The following BCAS3 variants were observed in gnomAD, a reference collection of about 807,000 sequenced individuals.
BCAS3 encodes BCAS4/BCAS3 fusion.
BCAS3 carries 53 observed loss-of-function variants against 116.1 expected under a neutral mutation model. The ratio of observed to expected loss-of-function variants is 0.46; its 90% CI spans 0.37 to 0.57. BCAS3 has a LOEUF of 0.57. BCAS3 is among the 20% of genes least tolerant of loss of function. BCAS3 has a pLI of 0.00. For synonymous variants in BCAS3, 391 were observed against 408.2 expected, an observed-to-expected ratio of 0.96 and a Z score of 0.51; for missense variants, 917 against 1,165.4, an observed-to-expected ratio of 0.79 and a Z score of 3.10.
At position 61,205,328 on chromosome 17, in the gene BCAS3, C is replaced by T. The variant is rs73993720; in HGVS notation, c.2425+120764C>T. Among the ~76,000 whole-genome samples, 24 of 152,276 alleles carry T rather than the reference C, an allele frequency of 1.6e-4. No homozygotes were observed. Among genetic ancestry groups the T allele is most frequent in the African/African-American group, 5.8e-4 (24 of 41,542 alleles). ...CATTTCAGCATATACAGCTGGACTTCCTGGTGGGCCTCCCACATTGTCAAC... is the reference window on the plus strand; with the variant it reads ...CATTTCAGCATATACAGCTGGACTTTCTGGTGGGCCTCCCACATTGTCAAC... On this transcript the variant is annotated intron_variant, in intron 22 of 23. Transcript: ENST00000407086. The surrounding 1 kb of genome is among the most constrained non-coding windows in gnomAD (Gnocchi z 5.2).
chr17:60,922,716 C>G (rs1250172229), intron 12 of BCAS3, among the ~76,000 whole-genome samples: 1 of 152,164 alleles, frequency 6.6e-6, no homozygotes, highest in African/African-American at 2.4e-5. Flanking sequence ...TGAAACAGAT[C>G]TTAATAACTT....
At chr17:61,173,074 G>A (rs1019419863) in intron 22 of BCAS3, among the ~76,000 whole-genome samples, 1 of 152,046 alleles carries the variant, frequency 6.6e-6, no homozygotes, top group Non-Finnish European at 1.5e-5. Context: ...GTAGCCTTAA[G>A]GGATTTGGAA....
At chr17:60,933,520 A>G (rs1038983006) in intron 13 of BCAS3, among the ~76,000 whole-genome samples, 1 of 152,218 alleles carries the variant, frequency 6.6e-6, no homozygotes, top group Non-Finnish European at 1.5e-5. Flanking sequence ...CAGAGTAAAT[A>G]TGTACCCCTT....
rs2082789709 is a variant in BCAS3 at position 61,233,117 on chromosome 17, C to T, written c.2426-135210C>T. Among the ~76,000 whole-genome samples, 2 of 152,148 alleles carry T rather than the reference C, an allele frequency of 1.3e-5. No homozygotes were observed. The highest frequency in any genetic ancestry group is 1.3e-4 in the Admixed American group (2 of 15,272). ...GTAGGAGGGTGATAAACTTTGTTAC[C>T]ACTTAAAAAGGGGCTAAAAATACTT... is the stretch of plus-strand genomic sequence containing the variant. On this transcript the variant is annotated intron_variant, in intron 22 of 23. Transcript: ENST00000407086. This position sits in a 1 kb window ranked among gnomAD's most constrained non-coding sequence, Gnocchi z 4.3.
At chr17:60,710,483 G>C (rs758938215) in intron 5 of BCAS3, among the ~76,000 whole-genome samples, 16 of 148,876 alleles carry the variant, frequency 1.1e-4, no homozygotes, top group Non-Finnish European at 8.9e-5. Context: ...CCAGGCTGGA[G>C]TGCAGTGGCG....
chr17:60,810,426 G>A (rs2048698175), intron 7 of BCAS3: 1 of 552,128 alleles, frequency 1.8e-6, no homozygotes, highest in Non-Finnish European at 3.4e-6. Context: ...TGCAAAGCCT[G>A]GACGATTGCC....
chr17:61,338,575 G>A (rs1007672241), intron 22 of BCAS3, among the ~76,000 whole-genome samples: 2 of 152,096 alleles, frequency 1.3e-5, no homozygotes, highest in African/African-American at 4.8e-5. Flanking sequence ...AGTAGGTTAG[G>A]GGTAGCAGAT....
intron 3 of BCAS3, 34 bp from the exon 4 acceptor site, chr17:60,689,650 AAT>A: frequency 6.7e-7 from 1 of 1,484,592 alleles, no homozygotes; most frequent in Non-Finnish European, 9.3e-7. Context: ...AAAGCTGTAA[AAT>A]ATGTTTATTC....
chr17:61,314,543 C>A (rs2054579133), intron 22 of BCAS3, among the ~76,000 whole-genome samples: 1 of 152,230 alleles, frequency 6.6e-6, no homozygotes, highest in South Asian at 2.1e-4. Context: ...CTTCCTCTTG[C>A]CACTGACTTT....
intron 7 of BCAS3, among the ~76,000 whole-genome samples, chr17:60,815,189 C>G (rs1471111702): frequency 6.6e-6 from 1 of 151,808 alleles, no homozygotes; most frequent in East Asian, 1.9e-4. Flanking sequence ...CAAACTGTTG[C>G]AAGGACAAAA....
Position 60,983,071 on chromosome 17 carries a change from G to A in BCAS3, c.1222-6900G>A, listed in dbSNP as rs1196955186. On this transcript the variant is annotated intron_variant, in intron 14 of 23. Coordinates refer to ENST00000407086, the MANE Select transcript of BCAS3 (RefSeq NM_017679.5). ...ATATGTTTGTGTCCTAAATTTGAGA[G>A]CAGGGGTTTGAATAGTGAGTGGTAC... Among the ~76,000 whole-genome samples the A allele has an allele frequency of 2.0e-5, 3 of 152,150 alleles. No homozygotes were observed. The East Asian group carries it at 5.8e-4, about 29-fold the overall frequency.
chr17:61,147,400 G>A (rs1449040000), intron 22 of BCAS3, among the ~76,000 whole-genome samples: 1 of 151,734 alleles, frequency 6.6e-6, no homozygotes, highest in Non-Finnish European at 1.5e-5. Context: ...TTTGGTTTTG[G>A]TTTTGTAGAG....
intron 5 of BCAS3, among the ~76,000 whole-genome samples, chr17:60,740,238 T>C (rs887784684): frequency 6.6e-6 from 1 of 152,110 alleles, no homozygotes; most frequent in Admixed American, 6.5e-5. Context: ...CTCACACCTG[T>C]AATCCTAGCA....
rs2060136941 is a variant in BCAS3, at chr17:61,391,685, G to A, written c.2594-292G>A. The A allele has an allele frequency of 2.4e-6, 1 of 415,972 alleles. No homozygotes were observed. The highest frequency in any genetic ancestry group is 4.4e-6 in the Non-Finnish European group (1 of 226,694). 25.8% of individuals were successfully genotyped at this position (415,972 alleles called of 1,614,324 possible). A position where few individuals can be genotyped will look rare whatever the true frequency, so the allele number is the denominator to read the frequency against. ...GTACGGGCTCATGAAGAGCTGTGTAGTCCACACACATCGTCAGGGTGGCCG... is the reference window on the plus strand; with the variant it reads ...GTACGGGCTCATGAAGAGCTGTGTAATCCACACACATCGTCAGGGTGGCCG... On this transcript the variant is annotated intron_variant, in intron 23 of 23. Transcript: ENST00000407086. This position sits in a 1 kb window ranked among gnomAD's most constrained non-coding sequence, Gnocchi z 7.7.
intron 12 of BCAS3, among the ~76,000 whole-genome samples, chr17:60,921,670 A>G (rs953431387): frequency 6.6e-6 from 1 of 151,606 alleles, no homozygotes; most frequent in Non-Finnish European, 1.5e-5. Context: ...CATGGGAACT[A>G]TTAATAGACA....
chr17:61,236,815 G>C (rs17597856), intron 22 of BCAS3, among the ~76,000 whole-genome samples: 7,190 of 152,166 alleles, frequency 0.047, 211 homozygotes, highest in Non-Finnish European at 0.053. Flanking sequence ...TGACTTTGTG[G>C]GAAAGTAGGA....
At position 61,217,680 on chromosome 17, in the gene BCAS3, A is replaced by C. The variant is rs1308627142; in HGVS notation, c.2425+133116A>C. Among the ~76,000 whole-genome samples, 1 of 152,190 alleles carries C rather than the reference A, an allele frequency of 6.6e-6. No individual in the cohort carries two copies. Among genetic ancestry groups the C allele is most frequent in the East Asian group, 1.9e-4 (1 of 5,192 alleles). ...TATCCTGTTAGGTTTTCCAGACCTG[A>C]TATCATTAGGCAGCTTCCTCTGACT... On this transcript the variant is annotated intron_variant, in intron 22 of 23. Coordinates refer to ENST00000407086, the MANE Select transcript of BCAS3 (RefSeq NM_017679.5). This position sits in a 1 kb window ranked among gnomAD's most constrained non-coding sequence, Gnocchi z 5.2.
At chr17:60,881,450 T>A (rs902847842) in intron 9 of BCAS3, among the ~76,000 whole-genome samples, 6 of 152,126 alleles carry the variant, frequency 3.9e-5, no homozygotes, top group Admixed American at 3.9e-4. Flanking sequence ...CTTTTTTTTT[T>A]TTATTATACT....
rs946677699 is a variant in BCAS3, at chr17:61,156,223, C to G, written c.2425+71659C>G. ...CTGAGTTGTTACTAAGCCTAATTCT[C>G]TGGTTAAAGTTTGGGTCAATGTATT... On this transcript the variant is annotated intron_variant, in intron 22 of 23. Coordinates refer to ENST00000407086, the MANE Select transcript of BCAS3 (RefSeq NM_017679.5). The surrounding 1 kb of genome is among the most constrained non-coding windows in gnomAD (Gnocchi z 4.7). Among the ~76,000 whole-genome samples, 20 of 151,202 alleles carry G rather than the reference C, an allele frequency of 1.3e-4. No individual in the cohort carries two copies. The highest frequency in any genetic ancestry group is 4.9e-4 in the African/African-American group (20 of 41,172).
Sources: gnomAD v4.1 joint callset for allele counts (sites outside exome capture counted in the v4.1 genomes callset) on GRCh38, gnomAD v4.1.1 for gene constraint, Gnocchi (gnomAD v3.1) non-coding constraint, MANE v1.5 for transcripts, NCBI Gene and HGNC (gene_info 2026-07-23, HGNC 2026-07-21) for gene names.